Variants in CCDC178 observed in about 807,000 individuals in gnomAD.
CCDC178 encodes the protein coiled-coil domain containing 178, also known as coiled-coil domain-containing protein 178.
A neutral mutation model predicts 117.4 loss-of-function variants in CCDC178; 126 were observed. The observed-to-expected ratio is 1.07, with a 90% confidence interval of 0.93 to 1.24. The LOEUF is 1.24. CCDC178 is among the 50% of genes most tolerant of loss of function. The pLI is 0.00. For missense variants in CCDC178, 1,030 were observed against 986.9 expected, an observed-to-expected ratio of 1.04 and a Z score of -0.59; for synonymous variants, 283 against 313.4, an observed-to-expected ratio of 0.90 and a Z score of 1.02.
intron 21 of CCDC178, among the ~76,000 whole-genome samples, chr18:33,084,497 A>G (rs1462789644): frequency 7.2e-5 from 11 of 152,032 alleles, no homozygotes; most frequent in African/African-American, 2.4e-4. Context: ...TATGTGTTCT[A>G]ATTGGTGTTT....
intron 11 of CCDC178, among the ~76,000 whole-genome samples, chr18:33,295,977 C>A (rs1386005096): frequency 6.6e-6 from 1 of 152,116 alleles, no homozygotes; most frequent in Non-Finnish European, 1.5e-5. Flanking sequence ...ACAAAAACTT[C>A]TACATTGATA....
intron 10 of CCDC178, among the ~76,000 whole-genome samples, chr18:33,332,879 A>G (rs1599174785): frequency 6.6e-6 from 1 of 152,236 alleles, no homozygotes; most frequent in South Asian, 2.1e-4. Flanking sequence ...TTACCACCCG[A>G]AGTGCTGGTA....
intron 21 of CCDC178, among the ~76,000 whole-genome samples, chr18:33,039,478 A>C (rs1234798708): frequency 1.3e-5 from 2 of 152,046 alleles, no homozygotes; most frequent in African/African-American, 2.4e-5. Flanking sequence ...CTCACATTGG[A>C]GTGAAGCATT....
At chr18:33,065,764 C>A (rs2057002598) in intron 21 of CCDC178, among the ~76,000 whole-genome samples, 1 of 151,820 alleles carries the variant, frequency 6.6e-6, no homozygotes, top group African/African-American at 2.4e-5. Context: ...ACCTTACAGG[C>A]AAGGAGAGAA....
At chr18:33,423,906 C>T (rs1296950687) in intron 2 of CCDC178, among the ~76,000 whole-genome samples, 2 of 152,158 alleles carry the variant, frequency 1.3e-5, no homozygotes, top group Non-Finnish European at 2.9e-5. Flanking sequence ...CTTGTAAAAC[C>T]TAATACTTAT....
intron 20 of CCDC178, among the ~76,000 whole-genome samples, chr18:33,099,500 T>A (rs1247789375): frequency 1.3e-5 from 2 of 151,992 alleles, no homozygotes; most frequent in East Asian, 3.9e-4. Context: ...ACAAGCGGGC[T>A]CCAAGTCTGT....
At position 33,418,171 on chromosome 18, in the gene CCDC178, G is replaced by A. The variant is rs183173908; in HGVS notation, c.-22-6061C>T. The stretch of plus-strand genomic sequence containing the variant: ...ACAATCAAGTCAGCTTTTTAAGTGG[G>A]ATGCAAGGCTGGTTCAACATACACA... On this transcript the variant is annotated intron_variant, in intron 2 of 22. Coordinates refer to ENST00000383096, the MANE Select transcript of CCDC178 (RefSeq NM_001105528.4). 7.2e-5 allele frequency among the ~76,000 whole-genome samples: 11 copies of A among 152,248 alleles called. No individual in the cohort carries two copies. In the East Asian group the frequency reaches 2.1e-3, roughly 29 times the overall value.
At chr18:33,327,766 C>G (rs2062604888) in intron 10 of CCDC178, among the ~76,000 whole-genome samples, 21 of 152,114 alleles carry the variant, frequency 1.4e-4, no homozygotes, top group Admixed American at 8.5e-4. Context: ...ATATGTCTAT[C>G]TGTTCATTAC....
chr18:32,970,670 T>C (rs1157864727), intron 22 of CCDC178, among the ~76,000 whole-genome samples: 4 of 152,026 alleles, frequency 2.6e-5, no homozygotes, highest in Non-Finnish European at 5.9e-5. Context: ...CAATTGGATA[T>C]AAGTGAAAAC....
intron 20 of CCDC178, among the ~76,000 whole-genome samples, chr18:33,180,013 T>A (rs1052935087): frequency 9.9e-5 from 15 of 152,062 alleles, no homozygotes; most frequent in African/African-American, 3.6e-4. Context: ...GACTTAGACA[T>A]TTGCTTGGAG....
chr18:33,031,489 T>C (rs2056341984), intron 21 of CCDC178, among the ~76,000 whole-genome samples: 1 of 152,164 alleles, frequency 6.6e-6, no homozygotes, highest in African/African-American at 2.4e-5. Flanking sequence ...TATTGTATCT[T>C]AATTCAGTGA....
At chr18:33,108,916 A>G (rs2057742970) in intron 20 of CCDC178, among the ~76,000 whole-genome samples, 1 of 151,702 alleles carries the variant, frequency 6.6e-6, no homozygotes, top group African/African-American at 2.4e-5. Flanking sequence ...AATTCAGCAA[A>G]TAAGCAAGAT....
At chr18:33,384,150 A>G (rs1165284123) in intron 5 of CCDC178, among the ~76,000 whole-genome samples, 2 of 152,104 alleles carry the variant, frequency 1.3e-5, no homozygotes, top group Admixed American at 6.6e-5. Context: ...AAGGCAGACA[A>G]ACAAGATTAG....
intron 6 of CCDC178, among the ~76,000 whole-genome samples, chr18:33,362,926 C>T (rs1265195312): frequency 6.9e-6 from 1 of 144,714 alleles, no homozygotes; most frequent in Non-Finnish European, 1.5e-5. Flanking sequence ...AATTGCACCT[C>T]AACTTTTAAA....
intron 20 of CCDC178, among the ~76,000 whole-genome samples, chr18:33,173,081 G>T (rs1160510849): frequency 1.3e-5 from 2 of 152,080 alleles, no homozygotes; most frequent in African/African-American, 4.8e-5. Flanking sequence ...ACAGGGTCTT[G>T]CTCTGTTGAC....
At chr18:33,326,749 G>A (rs1158211204) in intron 10 of CCDC178, among the ~76,000 whole-genome samples, 2 of 151,564 alleles carry the variant, frequency 1.3e-5, no homozygotes, top group Non-Finnish European at 2.9e-5. Context: ...CCTTCTCGGT[G>A]GTTACAGAAA....
intron 10 of CCDC178, among the ~76,000 whole-genome samples, chr18:33,332,443 C>A (rs1012717380): frequency 2.0e-5 from 3 of 151,748 alleles, no homozygotes; most frequent in African/African-American, 7.3e-5. Context: ...ATCTAATTAA[C>A]CTTTAAAAAT....
At chr18:33,355,592 T>C (rs1019505586) in intron 7 of CCDC178, among the ~76,000 whole-genome samples, 1 of 152,216 alleles carries the variant, frequency 6.6e-6, no homozygotes, top group Non-Finnish European at 1.5e-5. Flanking sequence ...CTGTGTTCTA[T>C]CAAATCTCCA....
chr18:33,357,185 GC>G (rs1207814185), intron 6 of CCDC178, among the ~76,000 whole-genome samples: 2 of 151,966 alleles, frequency 1.3e-5, no homozygotes, highest in South Asian at 2.1e-4. Context: ...TGTAACTTCT[GC>G]CCCCCTAAAA....
Sources: gnomAD v4.1 joint callset for allele counts (sites outside exome capture counted in the v4.1 genomes callset) on GRCh38, gnomAD v4.1.1 for gene constraint, MANE v1.5 for transcripts, NCBI Gene and HGNC (gene_info 2026-07-23, HGNC 2026-07-21) for gene names.